The following GALNT13 variants were observed in gnomAD, a reference collection of about 807,000 sequenced individuals.
The protein encoded by GALNT13 is UDP-GalNAc:polypeptide N-acetylgalactosaminyltransferase 13.
GALNT13 carries 28 observed loss-of-function variants against 64.2 expected under a neutral mutation model. The ratio of observed to expected loss-of-function variants is 0.44; its 90% CI spans 0.32 to 0.60. GALNT13 has a LOEUF of 0.60. Among genes scored for constraint, GALNT13 ranks in the 20% least tolerant of loss-of-function variants. The probability of loss-of-function intolerance (pLI) is 0.05; values close to 1 mark genes in which losing one functional copy is unlikely to be tolerated. For missense variants in GALNT13, 577 were observed against 669.8 expected (o/e 0.86, Z 1.53); for synonymous variants, 214 against 224.6 (o/e 0.95, Z 0.42).
the GALNT13 span, among the ~76,000 whole-genome samples, chr2:153,862,271 A>G: frequency 1.3e-5 from 2 of 152,202 alleles, no homozygotes; most frequent in African/African-American, 4.8e-5. Context: ...GTGTCAGTCA[A>G]GTTGATATAA....
the GALNT13 span, among the ~76,000 whole-genome samples, chr2:153,206,145 A>G: frequency 6.6e-6 from 1 of 152,122 alleles, no homozygotes; most frequent in Non-Finnish European, 1.5e-5. Context: ...AGAGCCTGGT[A>G]CTATAATAAG....
chr2:153,845,801 T>C, the GALNT13 span, among the ~76,000 whole-genome samples: 2 of 152,164 alleles, frequency 1.3e-5, no homozygotes, highest in African/African-American at 2.4e-5. Flanking sequence ...TAAAGTACCA[T>C]ACTTTTGTAT....
chr2:153,751,763 T>G, the GALNT13 span, among the ~76,000 whole-genome samples: 13 of 151,930 alleles, frequency 8.6e-5, no homozygotes, highest in Admixed American at 5.3e-4. Context: ...TCAATGGGTC[T>G]TGTTTTTTTT....
the GALNT13 span, among the ~76,000 whole-genome samples, chr2:153,294,373 A>T: frequency 3.9e-5 from 6 of 152,212 alleles, no homozygotes; most frequent in African/African-American, 1.4e-4. Context: ...CTTTTCAGTT[A>T]TAATGGATTT....
At chr2:153,680,161 A>G in the GALNT13 span, among the ~76,000 whole-genome samples, 3 of 151,920 alleles carry the variant, frequency 2.0e-5, no homozygotes, top group Admixed American at 6.6e-5. Context: ...ATAAATGAAT[A>G]TAGGGGATGT....
chr2:153,793,764 A>G, the GALNT13 span, among the ~76,000 whole-genome samples: 8 of 152,142 alleles, frequency 5.3e-5, no homozygotes, highest in Non-Finnish European at 1.0e-4. Context: ...GAAGGGTACA[A>G]TGAAAGGGAA....
chr2:153,410,872 T>C, the GALNT13 span, among the ~76,000 whole-genome samples: 4 of 148,856 alleles, frequency 2.7e-5, no homozygotes, highest in Admixed American at 6.7e-5. Context: ...TAAATATATA[T>C]TTAGAGAGAG....
the GALNT13 span, among the ~76,000 whole-genome samples, chr2:153,297,905 G>A: frequency 2.0e-5 from 3 of 152,154 alleles, no homozygotes; most frequent in Non-Finnish European, 4.4e-5. Flanking sequence ...CAAACTGGGT[G>A]ATTCAACAAA....
chr2:153,327,598 T>C, the GALNT13 span, among the ~76,000 whole-genome samples: 1 of 151,828 alleles, frequency 6.6e-6, no homozygotes, highest in Non-Finnish European at 1.5e-5. Flanking sequence ...TATTGATACT[T>C]GTGTATGCTT....
At chr2:153,897,609 A>G (rs1420423216) in intron 1 of GALNT13, among the ~76,000 whole-genome samples, 1 of 152,070 alleles carries the variant, frequency 6.6e-6, no homozygotes, top group Non-Finnish European at 1.5e-5. Context: ...TGGAAATACC[A>G]TGTTTGTCAT....
intron 3 of GALNT13, among the ~76,000 whole-genome samples, chr2:154,014,900 G>C (rs1167877981): frequency 6.6e-6 from 1 of 151,824 alleles, no homozygotes; most frequent in African/African-American, 2.4e-5. Context: ...CAAAGTGCTG[G>C]GATTTATAGG....
At chr2:153,746,415 A>G in the GALNT13 span, among the ~76,000 whole-genome samples, 1 of 152,198 alleles carries the variant, frequency 6.6e-6, no homozygotes, top group Non-Finnish European at 1.5e-5. Flanking sequence ...TGAATCATAT[A>G]GTGTGTCTAA....
chr2:153,584,103 A>C, the GALNT13 span, among the ~76,000 whole-genome samples: 4 of 151,972 alleles, frequency 2.6e-5, no homozygotes, highest in African/African-American at 9.7e-5. Flanking sequence ...TGTAAGTCCC[A>C]CTCTTACTGG....
At chr2:154,366,212 G>C (rs1217882776) in intron 9 of GALNT13, among the ~76,000 whole-genome samples, 5 of 152,156 alleles carry the variant, frequency 3.3e-5, no homozygotes, top group Admixed American at 3.3e-4. Context: ...CCCAGATGCA[G>C]AAAGTCATAA....
chr2:153,765,177 C>T, the GALNT13 span, among the ~76,000 whole-genome samples: 15 of 152,284 alleles, frequency 9.9e-5, no homozygotes, highest in African/African-American at 3.6e-4. Flanking sequence ...GGCCACTGTC[C>T]TCCAGACCCC....
At chr2:154,301,812 C>T (rs1693457355) in intron 9 of GALNT13, among the ~76,000 whole-genome samples, 1 of 151,150 alleles carries the variant, frequency 6.6e-6, no homozygotes. Flanking sequence ...TTTTCTCAAC[C>T]CAAGTGTTAT....
At chr2:154,005,713 TA>T (rs1357547241) in intron 3 of GALNT13, among the ~76,000 whole-genome samples, 3 of 149,256 alleles carry the variant, frequency 2.0e-5, no homozygotes, top group African/African-American at 7.3e-5. Context: ...TACTTCGATT[TA>T]TTTTTTTTTT....
chr2:154,045,681 T>C (rs1699240961), intron 3 of GALNT13, among the ~76,000 whole-genome samples: 1 of 152,118 alleles, frequency 6.6e-6, no homozygotes, highest in Non-Finnish European at 1.5e-5. Flanking sequence ...GCCCCTAAAT[T>C]CTAGAGAAAA....
At chr2:154,016,043 A>G (rs1696980246) in intron 3 of GALNT13, among the ~76,000 whole-genome samples, 1 of 152,202 alleles carries the variant, frequency 6.6e-6, no homozygotes. Context: ...TTGTCTCAAT[A>G]TATTAATGAT....
Sources: gnomAD v4.1 joint callset for allele counts (sites outside exome capture counted in the v4.1 genomes callset) on GRCh38, gnomAD v4.1.1 for gene constraint, MANE v1.5 for transcripts, NCBI Gene and HGNC (gene_info 2026-07-23, HGNC 2026-07-21) for gene names.